AMOTL1: variants seen among roughly 807,000 people sequenced by gnomAD.
AMOTL1 encodes the protein angiomotin like 1.
A neutral mutation model predicts 102.9 loss-of-function variants in AMOTL1; 45 were observed. The ratio of observed to expected loss-of-function variants is 0.44; its 90% CI spans 0.34 to 0.56. The LOEUF (loss-of-function observed/expected upper bound fraction) is 0.56. Among genes scored for constraint, AMOTL1 ranks in the 20% least tolerant of loss-of-function variants. The pLI is 0.01. For synonymous variants in AMOTL1, 481 were observed against 484.7 expected (o/e 0.99, Z 0.10); for missense variants, 1,114 against 1,225.6 (o/e 0.91, Z 1.36).
intron 1 of AMOTL1, among the ~76,000 whole-genome samples, chr11:94,780,198 C>T (rs1951089776): frequency 6.6e-6 from 1 of 152,218 alleles, no homozygotes; most frequent in South Asian, 2.1e-4. Flanking sequence ...CCCTCAGTAA[C>T]TACCCTATTG....
chr11:94,707,318 A>T (rs1470355639), intron 1 of AMOTL1, among the ~76,000 whole-genome samples: 2 of 150,150 alleles, frequency 1.3e-5, no homozygotes, highest in Non-Finnish European at 3.0e-5. Flanking sequence ...GACCACTGAA[A>T]TCTCCCTGCA....
intron 2 of AMOTL1, among the ~76,000 whole-genome samples, chr11:94,798,245 A>G (rs1451334380): frequency 1.3e-5 from 2 of 152,246 alleles, no homozygotes; most frequent in East Asian, 1.9e-4. Flanking sequence ...GAAATAACAC[A>G]TGGAGAGAAT....
At chr11:94,751,637 G>C (rs189456941) in intron 3 of AMOTL1, among the ~76,000 whole-genome samples, 1 of 151,498 alleles carries the variant, frequency 6.6e-6, no homozygotes, top group African/African-American at 2.4e-5. Flanking sequence ...TTGGGAGAGA[G>C]AATGGAGTAG....
At chr11:94,741,237 T>C (rs921169880) in intron 3 of AMOTL1, among the ~76,000 whole-genome samples, 2 of 151,792 alleles carry the variant, frequency 1.3e-5, no homozygotes, top group Non-Finnish European at 2.9e-5. Context: ...TGTGCGTGTG[T>C]GTGTGTGTGA....
chr11:94,849,858 T>C (rs1952494057), intron 6 of AMOTL1, among the ~76,000 whole-genome samples: 1 of 152,166 alleles, frequency 6.6e-6, no homozygotes, highest in African/African-American at 2.4e-5. Context: ...AAGTGAGTTA[T>C]CGAGAATATA....
chr11:94,856,257 AT>A (rs535541923), intron 8 of AMOTL1, among the ~76,000 whole-genome samples: 61 of 151,380 alleles, frequency 4.0e-4, no homozygotes, highest in South Asian at 6.3e-4. Context: ...CAATCTTATT[AT>A]TTTTTTTTCC....
At chr11:94,733,574 G>A (rs115887973) in intron 2 of AMOTL1, among the ~76,000 whole-genome samples, 1 of 152,332 alleles carries the variant, frequency 6.6e-6, no homozygotes, top group South Asian at 2.1e-4. Context: ...AAGAAGACTC[G>A]ATTTGCAGCT....
intron 2 of AMOTL1, among the ~76,000 whole-genome samples, chr11:94,734,751 GAGA>G (rs1226422037): frequency 6.6e-6 from 1 of 152,168 alleles, no homozygotes; most frequent in East Asian, 1.9e-4. Context: ...GCTACCTGCA[GAGA>G]AGATGATCAA....
In AMOTL1 at chr11:94,869,274, C is replaced by T; in HGVS notation, c.2565C>T (p.Ser855=). Residue 855 remains serine (S), a synonymous_variant, in exon 12 of 13, where the codon TCC becomes TCT. Coordinates refer to ENST00000433060, the MANE Select transcript of AMOTL1 (RefSeq NM_130847.3). ...CACCCCCACCCACCTCAGCACTGTC[C>T]TCCATAGCCTCCACTACGGCAGCCA... ...LLPPPPTSAL[S]SIASTTAASS... The T allele has an allele frequency of 6.2e-7, 1 of 1,612,968 alleles. No homozygotes were observed. Among genetic ancestry groups the T allele is most frequent in the Non-Finnish European group, 8.5e-7 (1 of 1,179,538 alleles).
intron 2 of AMOTL1, among the ~76,000 whole-genome samples, chr11:94,738,136 T>C (rs1444894129): frequency 6.6e-6 from 1 of 152,162 alleles, no homozygotes; most frequent in African/African-American, 2.4e-5. Context: ...GATTCATCCA[T>C]AGCAACAAGA....
chr11:94,849,032 A>G (rs924720752), intron 6 of AMOTL1, among the ~76,000 whole-genome samples: 6 of 152,212 alleles, frequency 3.9e-5, no homozygotes, highest in African/African-American at 7.2e-5. Flanking sequence ...GAACATTGAA[A>G]TGGTGTGGGC....
At chr11:94,707,242 C>G (rs148348963) in intron 1 of AMOTL1, among the ~76,000 whole-genome samples, 111 of 50,646 alleles carry the variant, frequency 2.2e-3, no homozygotes, top group African/African-American at 3.0e-3. Context: ...CTCTCTCTCT[C>G]TCTCTCTCTG....
chr11:94,856,906 T>C (rs1952677901), intron 8 of AMOTL1, among the ~76,000 whole-genome samples: 1 of 152,228 alleles, frequency 6.6e-6, no homozygotes, highest in African/African-American at 2.4e-5. Context: ...GGGACACAGC[T>C]GAGCCCATCT....
In AMOTL1 at chr11:94,712,950, A is replaced by T. The variant is rs954513566; in HGVS notation, c.-51+6353A>T. 3.3e-5 allele frequency among the ~76,000 whole-genome samples: 5 copies of T among 152,046 alleles called. No individual in the cohort carries two copies. In the East Asian group the frequency reaches 9.6e-4, roughly 29 times the overall value. ...AATATTTTCTACTTTTTCCTAAAAG[A>T]TTTATAGTTTTATACTTCACATTTA... On this transcript the variant is annotated intron_variant, in intron 1 of 4. Coordinates refer to the AMOTL1 transcript ENST00000299004.
chr11:94,820,607 A>G (rs1269705884), intron 3 of AMOTL1, among the ~76,000 whole-genome samples: 1 of 152,224 alleles, frequency 6.6e-6, no homozygotes, highest in East Asian at 1.9e-4. Flanking sequence ...GGATGATTCA[A>G]ACGCATCACA....
chr11:94,866,032 C>T lies in AMOTL1; in HGVS notation c.2352C>T (p.Asp784=). The T allele has an allele frequency of 6.2e-7, 1 of 1,613,968 alleles. No homozygotes were observed. The highest frequency in any genetic ancestry group is 1.1e-5 in the South Asian group (1 of 91,082). ...QRSRKDAGKT[D]SSSLRPARSV... ...CTCGTAAAGATGCCGGGAAGACAGA[C>T]TCCTCCAGCCTACGTCCTGCCCGCT... is the stretch of plus-strand genomic sequence containing the variant. The change falls in exon 11 of 13, where the codon GAC becomes GAT. Residue 784 remains aspartate, a synonymous_variant. Coordinates refer to ENST00000433060, the MANE Select transcript of AMOTL1 (RefSeq NM_130847.3).
At chr11:94,805,217 C>G (rs1951548404) in intron 3 of AMOTL1, among the ~76,000 whole-genome samples, 1 of 152,156 alleles carries the variant, frequency 6.6e-6, no homozygotes, top group Admixed American at 6.5e-5. Flanking sequence ...TGATGTCCAG[C>G]CTGTGCTCTG....
In AMOTL1 at chr11:94,831,492, A is replaced by G. The variant is rs1166964284; in HGVS notation, c.1599A>G (p.Glu533=). The change falls in exon 6 of 13, where the codon GAA becomes GAG. Residue 533 remains glutamate (E), a synonymous_variant. Coordinates refer to ENST00000433060, the MANE Select transcript of AMOTL1 (RefSeq NM_130847.3). The stretch of plus-strand genomic sequence containing the variant: ...CTAACAGGCAACTATCCAGCAGGGA[A>G]TACGAAGGGCATGAAGACAAAGCTG... ...ETANRQLSSR[E]YEGHEDKAAE... is the part of the protein sequence containing the mutation. The G allele has an allele frequency of 6.2e-7, 1 of 1,613,944 alleles. No homozygotes were observed. The highest frequency in any genetic ancestry group is 1.1e-5 in the South Asian group (1 of 91,070).
intron 1 of AMOTL1, among the ~76,000 whole-genome samples, chr11:94,789,370 G>T (rs1321020357): frequency 6.6e-6 from 1 of 152,196 alleles, no homozygotes; most frequent in Non-Finnish European, 1.5e-5. Flanking sequence ...TGTTGGCCAG[G>T]CTGGTCTCGA....
Sources: gnomAD v4.1 joint callset for allele counts (sites outside exome capture counted in the v4.1 genomes callset) on GRCh38, gnomAD v4.1.1 for gene constraint, MANE v1.5 for transcripts, NCBI Gene and HGNC (gene_info 2026-07-23, HGNC 2026-07-21) for gene names.